Variants in SIK3 observed in about 807,000 individuals in gnomAD.
SIK3 encodes SIK family kinase 3.
Under a neutral mutation model 144.2 loss-of-function variants are expected in SIK3, and 28 were observed. The ratio of observed to expected loss-of-function variants is 0.19; its 90% CI spans 0.14 to 0.27. The LOEUF is 0.27. SIK3 is among the 10% of genes least tolerant of loss of function. The pLI is 1.00. For missense variants in SIK3, 1,319 were observed against 1,776.0 expected, an observed-to-expected ratio of 0.74 and a Z score of 4.62; for synonymous variants, 686 against 676.3, an observed-to-expected ratio of 1.01 and a Z score of -0.22.
chr11:116,954,023 G>A, intron 3 of SIK3, 21 bp downstream of exon 3: 1 of 1,605,742 alleles, frequency 6.2e-7, no homozygotes, highest in Non-Finnish European at 8.5e-7. Flanking sequence ...GCTGTTTAAA[G>A]AATGCAATAA....
At position 116,873,549 on chromosome 11, in the gene SIK3, T is replaced by A; in HGVS notation, c.1669A>T (p.Ile557Phe). ...GRRASDGGAN[I>F]QLHAQQLLKR... is the part of the protein sequence containing the mutation. Reference sequence around the variant, plus strand: ...AGCAGCTGCTGGGCATGCAGTTGGATGTTGGCTCCTCCATCTGATGCCCTC... The same window carrying A: ...AGCAGCTGCTGGGCATGCAGTTGGAAGTTGGCTCCTCCATCTGATGCCCTC... The change falls in exon 13 of 25, where the codon ATC (isoleucine) becomes TTC (phenylalanine). Residue 557 changes from isoleucine (I) to phenylalanine (F), a missense_variant. Around this residue, in one of 8 missense-constraint regions of SIK3, gnomAD observed 167 missense variants for 263.3 expected, o/e 0.63. Transcript: ENST00000445177. 2 of 1,612,836 alleles carry A rather than the reference T, an allele frequency of 1.2e-6. No individual in the cohort carries two copies. Among genetic ancestry groups the A allele is most frequent in the Non-Finnish European group, 1.7e-6 (2 of 1,179,524 alleles).
rs151047148 is a variant in SIK3, at chr11:116,896,274, T to C, written c.844A>G (p.Ile282Val). Residue 282 changes from isoleucine to valine, a missense_variant, in exon 6 of 25, where the codon ATC (isoleucine) becomes GTC (valine). Physicochemically the swap from Ile to Val is conservative, Grantham distance 29. Coordinates refer to ENST00000445177, the MANE Select transcript of SIK3 (RefSeq NM_001366686.3). The part of the protein sequence containing the change: ...RARVLSGKFR[I>V]PFFMSTECEH... ...TTACCTGTGGACATAAAAAATGGGA[T>C]GCGGAACTTTCCACTCAGCACGCGG... 1.9e-6 allele frequency: 3 copies of C among 1,613,812 alleles called. No individual in the cohort carries two copies.
chr11:116,858,560 T>C lies in SIK3; in HGVS notation c.2905A>G (p.Lys969Glu). ...GVGFSPTQAL[K>E]VPPLDQFPTF... ...GGGAATTGGTCAAGTGGAGGGACTTTCAGGGCTTGGGTTGGAGAGAACCCC... is the reference window on the plus strand; with the variant it reads ...GGGAATTGGTCAAGTGGAGGGACTTCCAGGGCTTGGGTTGGAGAGAACCCC... Residue 969 changes from lysine (K) to glutamate (E), a missense_variant, in exon 21 of 25, where the codon AAA (lysine) becomes GAA (glutamate). This residue lies in a region of SIK3 where 646 missense variants were observed against 763.7 expected (regional missense o/e 0.85). Transcript: ENST00000445177. The surrounding 1 kb of genome is among the most constrained non-coding windows in gnomAD (Gnocchi z 5.4). The C allele has an allele frequency of 1.2e-6, 2 of 1,613,812 alleles. No individual in the cohort carries two copies. Among genetic ancestry groups the C allele is most frequent in the Non-Finnish European group, 1.7e-6 (2 of 1,179,940 alleles).
intron 1 of SIK3, among the ~76,000 whole-genome samples, chr11:117,084,992 C>G (rs758797523): frequency 6.6e-6 from 1 of 151,562 alleles, no homozygotes; most frequent in African/African-American, 2.4e-5. Context: ...AAATATTAAC[C>G]TATGTTAACA....
chr11:117,029,207 C>T (rs1952151658), intron 1 of SIK3, among the ~76,000 whole-genome samples: 1 of 152,140 alleles, frequency 6.6e-6, no homozygotes, highest in South Asian at 2.1e-4. Flanking sequence ...CTGTGCCCAG[C>T]CTATCCCAGC....
At chr11:117,023,414 AT>A (rs59626113) in intron 1 of SIK3, among the ~76,000 whole-genome samples, 172 of 138,646 alleles carry the variant, frequency 1.2e-3, no homozygotes, top group Middle Eastern at 3.8e-3. Flanking sequence ...ACACCTGATG[AT>A]TTTTTTTTTT....
At chr11:116,916,854 T>G (rs1017570831) in intron 4 of SIK3, among the ~76,000 whole-genome samples, 1 of 151,752 alleles carries the variant, frequency 6.6e-6, no homozygotes, top group Non-Finnish European at 1.5e-5. Context: ...CCTATAATCC[T>G]AGCACTTTGG....
At chr11:116,901,705 TCCTTA>T (rs1945748420) in intron 4 of SIK3, among the ~76,000 whole-genome samples, 1 of 152,204 alleles carries the variant, frequency 6.6e-6, no homozygotes, top group Admixed American at 6.5e-5. Flanking sequence ...TCTCTCTAGT[TCCTTA>T]CCTTATTCTT....
chr11:116,975,805 G>A (rs2135487194), intron 1 of SIK3, among the ~76,000 whole-genome samples: 1 of 152,278 alleles, frequency 6.6e-6, no homozygotes, highest in South Asian at 2.1e-4. Flanking sequence ...TGACAAAGCT[G>A]CTGCATCATT....
At chr11:116,948,297 A>G (rs76456526) in intron 3 of SIK3, among the ~76,000 whole-genome samples, 1 of 151,784 alleles carries the variant, frequency 6.6e-6, no homozygotes, top group Non-Finnish European at 1.5e-5. Context: ...TTTTTTTTTA[A>G]GACAGGGTCT....
chr11:116,954,381 C>T (rs1233428076), intron 2 of SIK3, among the ~76,000 whole-genome samples: 1 of 151,726 alleles, frequency 6.6e-6, no homozygotes, highest in Admixed American at 6.6e-5. Context: ...CTCTTAAGCT[C>T]CATAAAACTG....
chr11:116,884,032 A>G (rs1343082084), intron 6 of SIK3, among the ~76,000 whole-genome samples: 3 of 152,184 alleles, frequency 2.0e-5, no homozygotes, highest in African/African-American at 7.2e-5. Context: ...CTATAATAAT[A>G]CAAAATACAG....
In SIK3 at chr11:116,857,758, C is replaced by T; in HGVS notation, c.3655+52G>A. ...CTGAAAAAAGATAACATTACTGAGT[C>T]AGTTGATTAGGGCAGACTGGCCCAG... On this transcript the variant is annotated intron_variant, in intron 21 of 24. Transcript: ENST00000445177. 3.2e-6 allele frequency: 5 copies of T among 1,579,440 alleles called. No homozygotes were observed. In the East Asian group the frequency reaches 1.1e-4, roughly 36 times the overall value.
intron 21 of SIK3, among the ~76,000 whole-genome samples, chr11:116,853,278 G>T (rs1458427497): frequency 3.3e-5 from 5 of 152,146 alleles, no homozygotes; most frequent in African/African-American, 9.7e-5. Context: ...CGACCATTTT[G>T]GGGGGTACAA....
chr11:116,858,261 C>T lies in SIK3; in HGVS notation c.3204G>A (p.Arg1068=), dbSNP rs755982568. Residue 1068 remains arginine, a synonymous_variant, in exon 21 of 25, where the codon AGG becomes AGA. Coordinates refer to ENST00000445177, the MANE Select transcript of SIK3 (RefSeq NM_001366686.3). The surrounding 1 kb of genome is among the most constrained non-coding windows in gnomAD (Gnocchi z 5.4). The part of the protein sequence containing the change: ...QQQQEYQELF[R]HMNQGDAGSL... Reference sequence around the variant, plus strand: ...TCCCCGCATCCCCTTGGTTCATGTGCCTGAACAGTTCCTGGTATTCTTGCT... The same window carrying T: ...TCCCCGCATCCCCTTGGTTCATGTGTCTGAACAGTTCCTGGTATTCTTGCT... 1.2e-6 allele frequency: 2 copies of T among 1,613,862 alleles called. No homozygotes were observed. The highest frequency in any genetic ancestry group is 2.2e-5 in the South Asian group (2 of 91,022).
At position 117,098,125 on chromosome 11, in the gene SIK3, T is replaced by G. The variant is rs769493511; in HGVS notation, c.273+18A>C. On this transcript the variant is annotated intron_variant, in intron 1 of 24. Coordinates refer to ENST00000445177, the MANE Select transcript of SIK3 (RefSeq NM_001366686.3). The stretch of plus-strand genomic sequence containing the variant: ...GCCCCGCCACGCTCCGACTGCCGCC[T>G]GGCCCCTGCGCCGGTACCTTGGCCT... The G allele has an allele frequency of 6.2e-6, 9 of 1,453,288 alleles. No individual in the cohort carries two copies. In the Admixed American group the frequency reaches 1.9e-4, roughly 31 times the overall value. 90.0% of individuals were successfully genotyped at this position (1,453,288 alleles called of 1,614,324 possible).
intron 1 of SIK3, among the ~76,000 whole-genome samples, chr11:117,065,041 C>T (rs1953947280): frequency 6.6e-6 from 1 of 152,022 alleles, no homozygotes; most frequent in South Asian, 2.1e-4. Context: ...CCCAGCTACT[C>T]GGGAGGCTGA....
intron 1 of SIK3, among the ~76,000 whole-genome samples, chr11:116,991,403 T>C (rs1950497251): frequency 6.6e-6 from 1 of 152,198 alleles, no homozygotes; most frequent in Admixed American, 6.5e-5. Flanking sequence ...GTCGAGATCA[T>C]GCCACTGCGC....
chr11:116,954,782 T>G (rs977776448), intron 2 of SIK3, among the ~76,000 whole-genome samples: 1 of 152,192 alleles, frequency 6.6e-6, no homozygotes, highest in Non-Finnish European at 1.5e-5. Context: ...TAATAATGAT[T>G]ACATACACTC....
Sources: allele counts gnomAD v4.1 joint callset (sites outside exome capture counted in the v4.1 genomes callset), GRCh38; gene constraint gnomAD v4.1.1; regional missense constraint gnomAD v4.1.1; non-coding constraint Gnocchi (gnomAD v3.1); transcripts MANE v1.5; gene names NCBI Gene and HGNC (gene_info 2026-07-23, HGNC 2026-07-21).